VPS13B: variants seen among roughly 807,000 people sequenced by gnomAD.
The protein encoded by VPS13B is vacuolar protein sorting 13 homolog B.
In VPS13B, 285 loss-of-function variants were observed where a neutral mutation model predicts 426.4. The ratio of observed to expected loss-of-function variants is 0.67; its 90% CI spans 0.61 to 0.74. The LOEUF is 0.74. VPS13B is among the 30% of genes least tolerant of loss of function. The pLI is 0.00. For missense variants in VPS13B, 4,537 were observed against 4,782.6 expected (o/e 0.95, Z 1.51); for synonymous variants, 1,676 against 1,676.4 (o/e 1.00, Z 0.01).
At chr8:99,562,999 A>G (rs1588498330) in intron 31 of VPS13B, among the ~76,000 whole-genome samples, 1 of 152,050 alleles carries the variant, frequency 6.6e-6, no homozygotes, top group Admixed American at 6.6e-5. Flanking sequence ...AACAACAACA[A>G]CACAATTTTT....
Position 99,532,114 on chromosome 8 carries a change from A to G in VPS13B, c.4745+11104A>G, listed in dbSNP as rs186486332. On this transcript the variant is annotated intron_variant, in intron 30 of 61. Coordinates refer to ENST00000357162, the MANE Select transcript of VPS13B (RefSeq NM_152564.5). ...ATTGAACATTTGTGAACTTCTGCAT[A>G]TAGGTTTTTGTTCATGCCATGAATA... Among the ~76,000 whole-genome samples the G allele has an allele frequency of 3.3e-5, 5 of 152,230 alleles. No homozygotes were observed. The East Asian group carries it at 5.8e-4, about 18-fold the overall frequency.
chr8:99,257,636 A>G (rs1392835168), intron 17 of VPS13B, among the ~76,000 whole-genome samples: 2 of 152,136 alleles, frequency 1.3e-5, no homozygotes, highest in Non-Finnish European at 2.9e-5. Context: ...TATTTCTTTC[A>G]GCTAGTCATT....
intron 33 of VPS13B, among the ~76,000 whole-genome samples, chr8:99,602,042 CT>C (rs1827324877): frequency 6.6e-6 from 1 of 152,140 alleles, no homozygotes; most frequent in African/African-American, 2.4e-5. Context: ...GTTGCCATTG[CT>C]TTTGGTGTTT....
intron 39 of VPS13B, among the ~76,000 whole-genome samples, chr8:99,751,611 A>G (rs1010447277): frequency 4.3e-4 from 66 of 152,314 alleles, no homozygotes; most frequent in African/African-American, 1.5e-3. Flanking sequence ...TGAATATTTG[A>G]TAAATATATT....
At chr8:99,764,197 T>C (rs971691876) in intron 39 of VPS13B, among the ~76,000 whole-genome samples, 1 of 151,862 alleles carries the variant, frequency 6.6e-6, no homozygotes, top group African/African-American at 2.4e-5. Context: ...ATATAGTGAG[T>C]CCTGTGTTAG....
At chr8:99,828,093 T>C (rs1288383493) in intron 51 of VPS13B, among the ~76,000 whole-genome samples, 1 of 152,086 alleles carries the variant, frequency 6.6e-6, no homozygotes, top group African/African-American at 2.4e-5. Context: ...TATTAGGTCC[T>C]CTTGGTCCAG....
chr8:99,569,390 C>T (rs1438345638), intron 31 of VPS13B, among the ~76,000 whole-genome samples: 2 of 151,398 alleles, frequency 1.3e-5, no homozygotes, highest in Non-Finnish European at 2.9e-5. Flanking sequence ...GATCATGCCA[C>T]TCCACTCTAG....
At chr8:99,868,525 C>G (rs577891540) in intron 59 of VPS13B, 60 bp downstream of exon 59, 1 of 1,550,666 alleles carries the variant, frequency 6.4e-7, no homozygotes, top group South Asian at 1.2e-5. Context: ...ATGCTTATAC[C>G]AAGGGTTCCC....
intron 16 of VPS13B, among the ~76,000 whole-genome samples, chr8:99,178,731 C>G (rs1403247606): frequency 6.6e-6 from 1 of 152,044 alleles, no homozygotes; most frequent in African/African-American, 2.4e-5. Context: ...AAGCGATTCT[C>G]CTGCCTCAGC....
intron 24 of VPS13B, among the ~76,000 whole-genome samples, chr8:99,474,339 C>T (rs533588590): frequency 6.6e-6 from 1 of 151,886 alleles, no homozygotes; most frequent in South Asian, 2.1e-4. Context: ...CAGGTGTGTG[C>T]CACCACACCT....
chr8:99,521,839 G>A (rs1306051511), intron 30 of VPS13B, among the ~76,000 whole-genome samples: 1 of 152,004 alleles, frequency 6.6e-6, no homozygotes, highest in East Asian at 1.9e-4. Context: ...GAGGGTGATG[G>A]CTATTTTTAC....
intron 33 of VPS13B, among the ~76,000 whole-genome samples, chr8:99,631,746 T>A (rs1165878469): frequency 1.3e-5 from 2 of 151,946 alleles, no homozygotes; most frequent in Non-Finnish European, 1.5e-5. Flanking sequence ...ATATATATAT[T>A]TTATTGGCTG....
At chr8:99,791,546 C>T (rs1487710929) in intron 43 of VPS13B, among the ~76,000 whole-genome samples, 1 of 152,074 alleles carries the variant, frequency 6.6e-6, no homozygotes, top group Non-Finnish European at 1.5e-5. Flanking sequence ...TTTGAGAAGA[C>T]GGTCTAGAGA....
intron 25 of VPS13B, among the ~76,000 whole-genome samples, chr8:99,500,142 A>T (rs1821149591): frequency 6.6e-6 from 1 of 152,108 alleles, no homozygotes; most frequent in Non-Finnish European, 1.5e-5. Flanking sequence ...ACCTGTCTAT[A>T]AAAAATGGAA....
At chr8:99,086,272 TCA>T (rs1845789242) in intron 3 of VPS13B, among the ~76,000 whole-genome samples, 1 of 152,210 alleles carries the variant, frequency 6.6e-6, no homozygotes, top group African/African-American at 2.4e-5. Context: ...GCTTGTGCAT[TCA>T]TGATGTAGTT....
chr8:99,328,720 C>G (rs1810407693), intron 19 of VPS13B, among the ~76,000 whole-genome samples: 1 of 151,976 alleles, frequency 6.6e-6, no homozygotes, highest in Non-Finnish European at 1.5e-5. Context: ...AATAAAGAAG[C>G]AGTTAATTTT....
chr8:99,055,501 A>C (rs777064583), intron 3 of VPS13B, among the ~76,000 whole-genome samples: 1 of 152,200 alleles, frequency 6.6e-6, no homozygotes, highest in Non-Finnish European at 1.5e-5. Context: ...AACGATGTTA[A>C]GTATAGTGAT....
chr8:99,834,263 C>T (rs1267069602), intron 52 of VPS13B, among the ~76,000 whole-genome samples: 1 of 152,174 alleles, frequency 6.6e-6, no homozygotes, highest in Non-Finnish European at 1.5e-5. Flanking sequence ...ATTTCATTTT[C>T]CTGCTTCAAA....
chr8:99,353,636 C>A (rs1289334728), intron 19 of VPS13B, among the ~76,000 whole-genome samples: 1 of 151,208 alleles, frequency 6.6e-6, no homozygotes, highest in African/African-American at 2.4e-5. Context: ...ATACCCAGCA[C>A]TTGTTTGCTT....
Sources: allele counts gnomAD v4.1 joint callset (sites outside exome capture counted in the v4.1 genomes callset), GRCh38; gene constraint gnomAD v4.1.1; transcripts MANE v1.5; gene names NCBI Gene and HGNC (gene_info 2026-07-23, HGNC 2026-07-21).